SNAI3: variants seen among roughly 807,000 people sequenced by gnomAD.
SNAI3 encodes the protein snail family transcriptional repressor 3, also known as zinc finger protein SNAI3.
A neutral mutation model predicts 16.4 loss-of-function variants in SNAI3; 21 were observed. The observed-to-expected ratio is 1.28, with a 90% CI of 0.91 to 1.85. SNAI3 has a LOEUF of 1.85. SNAI3 is among the 40% of genes most tolerant of loss of function. The probability of loss-of-function intolerance (pLI) is 0.00; values close to 1 mark genes in which losing one functional copy is unlikely to be tolerated. For synonymous variants in SNAI3, 202 were observed against 166.6 expected, an observed-to-expected ratio of 1.21 and a Z score of -1.64; for missense variants, 457 against 372.8, an observed-to-expected ratio of 1.23 and a Z score of -1.86.
At chr16:88,686,263 G>T (rs1909355251) in intron 1 of SNAI3, 68 bp downstream of exon 1, 8 of 1,528,068 alleles carry the variant, frequency 5.2e-6, no homozygotes, top group South Asian at 3.5e-5. Flanking sequence ...GCTCCCAGGG[G>T]CCTCTCTCTC....
At chr16:88,686,161 C>T in intron 1 of SNAI3, 170 bp downstream of exon 1, 1 of 818,900 alleles carries the variant, frequency 1.2e-6, no homozygotes, top group Non-Finnish European at 1.8e-6. Flanking sequence ...TGGAGGCGCC[C>T]GTGGGCCACC....
At chr16:88,679,144 G>A (rs1452667646) in intron 2 of SNAI3, 1 of 972,752 alleles carries the variant, frequency 1.0e-6, no homozygotes, top group Non-Finnish European at 1.2e-6. Flanking sequence ...AGTCCTGAGA[G>A]ACCTCAGCCT....
chr16:88,684,416 A>T (rs1054520135), intron 1 of SNAI3, among the ~76,000 whole-genome samples: 8 of 152,160 alleles, frequency 5.3e-5, no homozygotes, highest in Non-Finnish European at 1.0e-4. Flanking sequence ...CTGGGATTTT[A>T]AATGCTTTCC....
In SNAI3 at chr16:88,677,880, G is replaced by A. The variant is rs1208217369; in HGVS notation, c.*568C>T. The A allele has an allele frequency of 6.5e-6, 1 of 152,754 alleles. No homozygotes were observed. The highest frequency in any genetic ancestry group is 1.5e-5 in the Non-Finnish European group (1 of 68,262). 9.5% of individuals were successfully genotyped at this position (152,754 alleles called of 1,614,324 possible). The stretch of plus-strand genomic sequence containing the variant: ...CCGGAGAGTCTAGTGAGGTGGGGAG[G>A]GCACGTGTGTGTACATGTTTGAGTG... On this transcript the variant is annotated 3_prime_UTR_variant, in exon 3 of 3. Transcript: ENST00000332281.
chr16:88,686,476 G>A lies in SNAI3; in HGVS notation c.-70C>T. ...GGCGCGCCTGGGTCCGGACTGCTGC[G>A]TCCGCCGGCGCTTGAAGGGGTCAGG... On this transcript the variant is annotated 5_prime_UTR_variant, in exon 1 of 3. It adds an upstream start codon to the 5' untranslated region. Coordinates refer to ENST00000332281, the MANE Select transcript of SNAI3 (RefSeq NM_178310.4). 2 of 1,571,450 alleles carry A rather than the reference G, an allele frequency of 1.3e-6. No homozygotes were observed. The highest frequency in any genetic ancestry group is 3.6e-5 in the Admixed American group (2 of 55,858).
chr16:88,681,397 G>T lies in SNAI3; in HGVS notation c.394C>A (p.Arg132=), dbSNP rs761698218. 9 of 1,612,116 alleles carry T rather than the reference G, an allele frequency of 5.6e-6. No individual in the cohort carries two copies. In the African/African-American group the frequency reaches 1.1e-4, roughly 19 times the overall value. ...AGCAGTTTTTCCGGAGCCCCGTGCC[G>T]GTCTGGGCCCAAGGTCGGGGACCAC... The part of the protein sequence containing the change: ...TRWSPTLGPD[R]HGAPEKLLGA... Residue 132 remains arginine, a synonymous_variant, in exon 2 of 3, where the codon CGG becomes AGG. Transcript: ENST00000332281. This position sits in a 1 kb window ranked among gnomAD's most constrained non-coding sequence, Gnocchi z 5.4.
chr16:88,683,667 C>A (rs938257682), intron 1 of SNAI3, among the ~76,000 whole-genome samples: 1 of 150,174 alleles, frequency 6.7e-6, no homozygotes, highest in Non-Finnish European at 1.5e-5. Flanking sequence ...AAACAATTCT[C>A]CTGCCTCAGC....
chr16:88,679,775 A>AAAG (rs1555545687), intron 2 of SNAI3, among the ~76,000 whole-genome samples: 2 of 106,570 alleles, frequency 1.9e-5, no homozygotes, highest in Non-Finnish European at 1.8e-5. Flanking sequence ...AAAAAAAAAA[A>AAAG]AAAAAAAGAA....
chr16:88,683,497 G>A (rs954799378), intron 1 of SNAI3, among the ~76,000 whole-genome samples: 8 of 149,532 alleles, frequency 5.4e-5, no homozygotes, highest in African/African-American at 1.7e-4. Context: ...CTTGTGATCC[G>A]CCTGCATCAG....
At chr16:88,679,761 C>CA (rs567387152) in intron 2 of SNAI3, among the ~76,000 whole-genome samples, 40 of 68,412 alleles carry the variant, frequency 5.8e-4, no homozygotes, top group African/African-American at 1.1e-3. Flanking sequence ...GACTCTGTCT[C>CA]AAAAAAAAAA....
At chr16:88,682,762 A>ATTTGTTTTTTTTTT (rs1909218289) in intron 1 of SNAI3, among the ~76,000 whole-genome samples, 1 of 60,654 alleles carries the variant, frequency 1.6e-5, no homozygotes, top group Non-Finnish European at 3.0e-5. Context: ...TGGGCAAGGG[A>ATTTGTTTTTTTTTT]TTTTTTTTTT....
chr16:88,677,920 C>T lies in SNAI3; in HGVS notation c.*528G>A, dbSNP rs997405916. 6.4e-6 allele frequency: 1 copy of T among 155,128 alleles called. No individual in the cohort carries two copies. Among genetic ancestry groups the T allele is most frequent in the African/African-American group, 2.4e-5 (1 of 41,498 alleles). 9.6% of individuals were successfully genotyped at this position (155,128 alleles called of 1,614,324 possible). A position where few individuals can be genotyped will look rare whatever the true frequency, so the allele number is the denominator to read the frequency against. Reference sequence around the variant, plus strand: ...ATGTTTGAGTGTGTGTGCACATGCACATAGACGTGTGACATGGGGCAGCTC... The same window carrying T: ...ATGTTTGAGTGTGTGTGCACATGCATATAGACGTGTGACATGGGGCAGCTC... On this transcript the variant is annotated 3_prime_UTR_variant, in exon 3 of 3. Coordinates refer to ENST00000332281, the MANE Select transcript of SNAI3 (RefSeq NM_178310.4).
intron 1 of SNAI3, among the ~76,000 whole-genome samples, chr16:88,682,484 C>T (rs1909208557): frequency 6.6e-6 from 1 of 152,244 alleles, no homozygotes; most frequent in African/African-American, 2.4e-5. Flanking sequence ...ACAGGTTAGT[C>T]TGCAGGTAAG....
Position 88,681,715 on chromosome 16 carries a change from C to G in SNAI3, c.77-1G>C, listed in dbSNP as rs1434828448. On this transcript the variant is annotated splice_acceptor_variant, in intron 1 of 2. Coordinates refer to ENST00000332281, the MANE Select transcript of SNAI3 (RefSeq NM_178310.4). LOFTEE classifies it high-confidence loss of function. This position sits in a 1 kb window ranked among gnomAD's most constrained non-coding sequence, Gnocchi z 5.4. ...CAGGCAGAGCAGGCACCATTGATTT[C>G]TAGAGGGGTGGAGGGGAGAGAATAG... 2 of 1,439,660 alleles carry G rather than the reference C, an allele frequency of 1.4e-6. No homozygotes were observed. The highest frequency in any genetic ancestry group is 1.8e-6 in the Non-Finnish European group (2 of 1,091,954). The allele number at this position is 1,439,660 out of a possible 1,614,324, so 89.2% of individuals were successfully genotyped here.
At position 88,681,231 on chromosome 16, in the gene SNAI3, T is replaced by G. The variant is rs770619254; in HGVS notation, c.560A>C (p.Tyr187Ser). ...CAGGCTGGTGTACTCCTTGTCGCAG[T>G]ACTTGCAGGTGAAGACACGCCCCAC... is the stretch of plus-strand genomic sequence containing the variant. Reference protein sequence around the residue: ...LQVGRVFTCKYCDKEYTSLGA... With the variant: ...LQVGRVFTCKSCDKEYTSLGA... Residue 187 changes from tyrosine (Y) to serine (S), a missense_variant, in exon 2 of 3, where the codon TAC (tyrosine) becomes TCC (serine). Transcript: ENST00000332281. The surrounding 1 kb of genome is among the most constrained non-coding windows in gnomAD (Gnocchi z 5.4). The G allele has an allele frequency of 6.2e-7, 1 of 1,613,732 alleles. No homozygotes were observed. Among genetic ancestry groups the G allele is most frequent in the Non-Finnish European group, 8.5e-7 (1 of 1,179,996 alleles).
In SNAI3 at chr16:88,678,441, G is replaced by C; in HGVS notation, c.*7C>G. The C allele has an allele frequency of 3.9e-6, 3 of 765,952 alleles. No individual in the cohort carries two copies. Among genetic ancestry groups the C allele is most frequent in the South Asian group, 1.3e-5 (1 of 74,126 alleles). 47.4% of individuals were successfully genotyped at this position (765,952 alleles called of 1,614,324 possible). On this transcript the variant is annotated 3_prime_UTR_variant, in exon 3 of 3. Transcript: ENST00000332281. ...CATCCCTCCTACCTGCGCCGACCAC[G>C]TGCCTCTCAGGGGCCCGGGCAGCAG...
chr16:88,684,810 C>G (rs929808960), intron 1 of SNAI3, among the ~76,000 whole-genome samples: 2 of 152,220 alleles, frequency 1.3e-5, no homozygotes, highest in African/African-American at 4.8e-5. Context: ...GTTTAAGTAC[C>G]TTGCTGGCTT....
At chr16:88,679,317 G>A (rs1024048953) in intron 2 of SNAI3, among the ~76,000 whole-genome samples, 3 of 152,236 alleles carry the variant, frequency 2.0e-5, no homozygotes. Context: ...TGTGTGGGGG[G>A]TGTCGTCATC....
chr16:88,681,506 A>G lies in SNAI3; in HGVS notation c.285T>C (p.Pro95=). Reference sequence around the variant, plus strand: ...GTACAATGGCGGCCCGGCTGGCCCGAGGGTCGACCTCGCTGACTTCCAAGG... The same window carrying G: ...GTACAATGGCGGCCCGGCTGGCCCGGGGGTCGACCTCGCTGACTTCCAAGG... The part of the protein sequence containing the change: ...LDALEVSEVD[P]RASRAAIVPL... The change falls in exon 2 of 3, where the codon CCT becomes CCC. Residue 95 remains proline (P), a synonymous_variant. Coordinates refer to ENST00000332281, the MANE Select transcript of SNAI3 (RefSeq NM_178310.4). This position sits in a 1 kb window ranked among gnomAD's most constrained non-coding sequence, Gnocchi z 5.4. 6.5e-7 allele frequency: 1 copy of G among 1,543,778 alleles called. No individual in the cohort carries two copies. Among genetic ancestry groups the G allele is most frequent in the Non-Finnish European group, 8.8e-7 (1 of 1,140,078 alleles).
Sources: gnomAD v4.1 joint callset for allele counts (sites outside exome capture counted in the v4.1 genomes callset) on GRCh38, gnomAD v4.1.1 for gene constraint, Gnocchi (gnomAD v3.1) non-coding constraint, MANE v1.5 for transcripts, NCBI Gene and HGNC (gene_info 2026-07-23, HGNC 2026-07-21) for gene names.